Variants in CTNNA1 observed in about 807,000 individuals in gnomAD.
CTNNA1 encodes the protein catenin alpha 1.
In CTNNA1, 37 loss-of-function variants were observed where a neutral mutation model predicts 98.4. The ratio of observed to expected loss-of-function variants is 0.38; its 90% CI spans 0.29 to 0.49. CTNNA1 has a LOEUF of 0.49. Among genes scored for constraint, CTNNA1 ranks in the 20% least tolerant of loss-of-function variants. The pLI, the probability that CTNNA1 is intolerant of heterozygous loss-of-function variation, is 0.95. For synonymous variants in CTNNA1, 404 were observed against 413.2 expected, an observed-to-expected ratio of 0.98 and a Z score of 0.27; for missense variants, 761 against 1,147.2, an observed-to-expected ratio of 0.66 and a Z score of 4.86.
At chr5:138,895,810 A>C (rs1756673606) in intron 9 of CTNNA1, among the ~76,000 whole-genome samples, 1 of 152,224 alleles carries the variant, frequency 6.6e-6, no homozygotes, top group South Asian at 2.1e-4. Flanking sequence ...TTGAAATGAA[A>C]GTTGAACAAA....
intron 5 of CTNNA1, among the ~76,000 whole-genome samples, chr5:138,816,188 A>C (rs941515847): frequency 6.6e-6 from 1 of 152,154 alleles, no homozygotes; most frequent in African/African-American, 2.4e-5. Context: ...GTGTTTTCTG[A>C]GGTCATCCAT....
At chr5:138,932,304 A>C in intron 16 of CTNNA1, 1 of 1,212,484 alleles carries the variant, frequency 8.2e-7, no homozygotes, top group Non-Finnish European at 1.0e-6. Flanking sequence ...CATAGGAGGG[A>C]AGTCAGTGGG....
In CTNNA1 at chr5:138,932,616, C is replaced by T. The variant is rs767711515; in HGVS notation, c.2337C>T (p.Tyr779=). 11 of 1,614,184 alleles carry T rather than the reference C, an allele frequency of 6.8e-6. No homozygotes were observed. In the South Asian group the frequency reaches 8.8e-5, roughly 13 times the overall value. The change falls in exon 17 of 18, where the codon TAC becomes TAT. Residue 779 remains tyrosine (Y), a synonymous_variant. Transcript: ENST00000302763. ...CTTGCAAGCAGGACCTGCTGGCCTA[C>T]CTGCAACGCATCGCCCTCTACTGCC... The part of the protein sequence containing the change: ...DSACKQDLLA[Y]LQRIALYCHQ...
intron 1 of CTNNA1, among the ~76,000 whole-genome samples, chr5:138,765,747 G>A (rs1363579421): frequency 6.6e-6 from 1 of 151,558 alleles, no homozygotes; most frequent in East Asian, 2.0e-4. Context: ...TCAAGAGATC[G>A]AGACCATACT....
chr5:138,819,586 A>G (rs1759807074), intron 5 of CTNNA1, among the ~76,000 whole-genome samples: 1 of 152,124 alleles, frequency 6.6e-6, no homozygotes, highest in Non-Finnish European at 1.5e-5. Flanking sequence ...TTTTCTGGAC[A>G]GTCCAGGCAC....
At position 138,824,704 on chromosome 5, in the gene CTNNA1, A is replaced by G. The variant is rs1760463089; in HGVS notation, c.763A>G (p.Ile255Val). The stretch of plus-strand genomic sequence containing the variant: ...GCAGCTGCAGCAGGCGGTCACAGGC[A>G]TTTCCAATGCAGCCCAGGCCACTGC... ...YKQLQQAVTG[I>V]SNAAQATASD... The change falls in exon 6 of 18, where the codon ATT (isoleucine) becomes GTT (valine). Residue 255 changes from isoleucine to valine, a missense_variant. Transcript: ENST00000302763. The G allele has an allele frequency of 1.2e-6, 2 of 1,614,240 alleles. No individual in the cohort carries two copies. The highest frequency in any genetic ancestry group is 8.5e-7 in the Non-Finnish European group (1 of 1,180,050).
intron 7 of CTNNA1, among the ~76,000 whole-genome samples, chr5:138,834,460 G>C (rs1761580839): frequency 6.6e-6 from 1 of 152,080 alleles, no homozygotes; most frequent in South Asian, 2.1e-4. Flanking sequence ...ATTGTGCTGA[G>C]AGACATTTTA....
At chr5:138,792,504 T>C (rs1379491663) in intron 3 of CTNNA1, among the ~76,000 whole-genome samples, 3 of 152,148 alleles carry the variant, frequency 2.0e-5, no homozygotes, top group Non-Finnish European at 4.4e-5. Context: ...CTGTTTTAAG[T>C]AGAGTTTGAG....
intron 15 of CTNNA1, 32 bp downstream of exon 15, chr5:138,930,686 C>G: frequency 6.3e-7 from 1 of 1,598,624 alleles, no homozygotes; most frequent in African/African-American, 1.3e-5. Context: ...CCAGGCTGCA[C>G]AGGGGCTACT....
At chr5:138,800,987 C>T (rs1007447160) in intron 3 of CTNNA1, among the ~76,000 whole-genome samples, 1 of 152,128 alleles carries the variant, frequency 6.6e-6, no homozygotes, top group Non-Finnish European at 1.5e-5. Context: ...CATGGTGTTT[C>T]TCAATGTTTT....
chr5:138,922,433 A>G (rs1561749340), intron 11 of CTNNA1, among the ~76,000 whole-genome samples: 1 of 152,252 alleles, frequency 6.6e-6, no homozygotes, highest in Non-Finnish European at 1.5e-5. Context: ...AGTGAAAAAG[A>G]TACAATAGTG....
intron 5 of CTNNA1, among the ~76,000 whole-genome samples, chr5:138,823,493 A>G (rs558911989): frequency 1.3e-5 from 2 of 152,300 alleles, no homozygotes; most frequent in South Asian, 4.1e-4. Flanking sequence ...TGTTTAATGT[A>G]CTGTGTAAGA....
At chr5:138,828,058 A>C (rs1760903963) in intron 7 of CTNNA1, 5 of 223,516 alleles carry the variant, frequency 2.2e-5, no homozygotes, top group Non-Finnish European at 4.5e-5. Flanking sequence ...TTTCCCCCGA[A>C]GCCTTTGGAA....
intron 3 of CTNNA1, among the ~76,000 whole-genome samples, chr5:138,790,424 ACCTTATTTT>A (rs1756225055): frequency 6.6e-6 from 1 of 152,108 alleles, no homozygotes; most frequent in South Asian, 2.1e-4. Context: ...TGGATGTCAA[ACCTTATTTT>A]GTGTTCATTA....
At chr5:138,856,625 AGCCACTGT>A (rs1411086777) in intron 7 of CTNNA1, among the ~76,000 whole-genome samples, 1 of 152,188 alleles carries the variant, frequency 6.6e-6, no homozygotes, top group Non-Finnish European at 1.5e-5. Context: ...TACAGACAGG[AGCCACTGT>A]GCCTGGCCTG....
At chr5:138,765,321 G>A (rs1256089761) in intron 1 of CTNNA1, among the ~76,000 whole-genome samples, 2 of 151,920 alleles carry the variant, frequency 1.3e-5, no homozygotes, top group Admixed American at 6.6e-5. Flanking sequence ...GATTACAGGC[G>A]TGAGCCACCG....
chr5:138,810,991 G>A (rs1258529797), intron 4 of CTNNA1, among the ~76,000 whole-genome samples: 6 of 149,550 alleles, frequency 4.0e-5, no homozygotes, highest in African/African-American at 4.9e-5. Context: ...CCTCCCTCCC[G>A]GACGGGGCGG....
intron 7 of CTNNA1, among the ~76,000 whole-genome samples, chr5:138,828,977 A>C (rs1760993675): frequency 6.6e-6 from 1 of 152,152 alleles, no homozygotes; most frequent in South Asian, 2.1e-4. Context: ...TACAAAAGTT[A>C]ACTGGGCATG....
At chr5:138,903,376 A>C (rs1052916456) in intron 9 of CTNNA1, among the ~76,000 whole-genome samples, 2 of 152,194 alleles carry the variant, frequency 1.3e-5, no homozygotes, top group African/African-American at 4.8e-5. Context: ...AAATTCCCAG[A>C]AAGTGCCTCT....
Sources: allele counts gnomAD v4.1 joint callset (sites outside exome capture counted in the v4.1 genomes callset), GRCh38; gene constraint gnomAD v4.1.1; transcripts MANE v1.5; gene names NCBI Gene and HGNC (gene_info 2026-07-23, HGNC 2026-07-21).